ALDH1A2: variants seen among roughly 807,000 people sequenced by gnomAD.
The protein encoded by ALDH1A2 is retinal dehydrogenase 2.
A neutral mutation model predicts 60.3 loss-of-function variants in ALDH1A2; 27 were observed. The observed-to-expected ratio is 0.45, with a 90% CI of 0.33 to 0.62. The LOEUF is 0.62. Ranked by LOEUF, ALDH1A2 falls within the 20% of genes least tolerant of loss-of-function variation. The probability of loss-of-function intolerance (pLI) is 0.02; values close to 1 mark genes in which losing one functional copy is unlikely to be tolerated. For missense variants in ALDH1A2, 581 were observed against 643.8 expected (o/e 0.90, Z 1.06); for synonymous variants, 289 against 232.4 (o/e 1.24, Z -2.21).
Position 58,016,075 on chromosome 15 carries a change from T to G in ALDH1A2, c.118-1794A>C, listed in dbSNP as rs541155026. Among the ~76,000 whole-genome samples, 45 of 152,196 alleles carry G rather than the reference T, an allele frequency of 3.0e-4. 1 individual carries two copies. The highest frequency in any genetic ancestry group is 2.6e-3 in the Admixed American group (39 of 15,288). On this transcript the variant is annotated intron_variant, in intron 1 of 12. Coordinates refer to ENST00000249750, the MANE Select transcript of ALDH1A2 (RefSeq NM_003888.4). ...CTTACCCATGTCCCTATCCTTTTAT[T>G]CACCATGTGACTGAATCAAACTTTT...
At chr15:57,976,087 A>AGACTACTGGCAGTAGTTGGTCTTTGCAC (rs1894246075) in intron 7 of ALDH1A2, among the ~76,000 whole-genome samples, 1 of 152,222 alleles carries the variant, frequency 6.6e-6, no homozygotes, top group Non-Finnish European at 1.5e-5. Flanking sequence ...TGTCCTTTGC[A>AGACTACTGGCAGTAGTTGGTCTTTGCAC]GACTACTGGC....
intron 1 of ALDH1A2, among the ~76,000 whole-genome samples, chr15:58,028,101 G>A (rs1186128042): frequency 1.3e-5 from 2 of 152,154 alleles, no homozygotes; most frequent in African/African-American, 2.4e-5. Flanking sequence ...TAAATCGCCA[G>A]ATTCACCAAG....
chr15:57,996,530 G>A (rs1378574573), intron 4 of ALDH1A2, among the ~76,000 whole-genome samples: 1 of 147,294 alleles, frequency 6.8e-6, no homozygotes, highest in African/African-American at 2.5e-5. Context: ...TGTAAAGCTA[G>A]GACGTCTTTT....
intron 1 of ALDH1A2, among the ~76,000 whole-genome samples, chr15:58,017,079 T>G (rs1172828091): frequency 6.6e-6 from 1 of 152,162 alleles, no homozygotes; most frequent in Non-Finnish European, 1.5e-5. Flanking sequence ...AGCAAAATCT[T>G]GGGCTATGAG....
chr15:57,977,546 C>T (rs1465769139), intron 7 of ALDH1A2, among the ~76,000 whole-genome samples: 2 of 152,080 alleles, frequency 1.3e-5, no homozygotes, highest in African/African-American at 2.4e-5. Flanking sequence ...ATTTCTGAGG[C>T]CTCTGTTCTG....
At chr15:57,976,052 G>T (rs1380184345) in intron 7 of ALDH1A2, among the ~76,000 whole-genome samples, 3 of 152,166 alleles carry the variant, frequency 2.0e-5, no homozygotes, top group African/African-American at 7.2e-5. Flanking sequence ...CTTCATTACA[G>T]AAATTATGCC....
chr15:57,974,793 C>T (rs1001915251), intron 7 of ALDH1A2, among the ~76,000 whole-genome samples: 1 of 152,164 alleles, frequency 6.6e-6, no homozygotes. Context: ...AAATTAAAAA[C>T]TTTAAGAGAC....
At chr15:58,023,368 A>T (rs1895985568) in intron 1 of ALDH1A2, among the ~76,000 whole-genome samples, 1 of 152,238 alleles carries the variant, frequency 6.6e-6, no homozygotes, top group African/African-American at 2.4e-5. Context: ...AATTATTAGT[A>T]TAATCAAGAA....
chr15:58,013,628 C>T (rs1459191729), intron 3 of ALDH1A2, among the ~76,000 whole-genome samples: 1 of 151,888 alleles, frequency 6.6e-6, no homozygotes, highest in East Asian at 1.9e-4. Context: ...GGCACGTGCA[C>T]GTAATCCCAG....
intron 7 of ALDH1A2, among the ~76,000 whole-genome samples, chr15:57,971,486 T>C (rs1317743511): frequency 1.3e-5 from 2 of 152,188 alleles, no homozygotes; most frequent in Admixed American, 6.5e-5. Context: ...ACTGTAGTAG[T>C]ATGATTATGG....
intron 1 of ALDH1A2, among the ~76,000 whole-genome samples, chr15:58,046,420 T>A (rs1896641836): frequency 6.6e-6 from 1 of 152,072 alleles, no homozygotes; most frequent in South Asian, 2.1e-4. Flanking sequence ...TATCTATGTA[T>A]GTAAAACAAA....
At chr15:57,996,067 C>G (rs1261265336) in intron 4 of ALDH1A2, among the ~76,000 whole-genome samples, 2 of 152,068 alleles carry the variant, frequency 1.3e-5, no homozygotes, top group Non-Finnish European at 2.9e-5. Context: ...CTCTCAAAAG[C>G]AGTCCCCTAA....
chr15:57,972,505 G>A (rs1234207791), intron 7 of ALDH1A2, among the ~76,000 whole-genome samples: 1 of 152,150 alleles, frequency 6.6e-6, no homozygotes, highest in Non-Finnish European at 1.5e-5. Flanking sequence ...CCATTAACTA[G>A]GTGAGCTAAA....
chr15:58,006,880 T>C (rs1347975839), intron 4 of ALDH1A2, among the ~76,000 whole-genome samples: 1 of 149,512 alleles, frequency 6.7e-6, no homozygotes, highest in Non-Finnish European at 1.5e-5. Context: ...AAAAAAAGTG[T>C]CCTTTTTTGT....
At chr15:57,964,880 C>T (rs1596067640) in intron 8 of ALDH1A2, 1 of 152,148 alleles carries the variant, frequency 6.6e-6, no homozygotes, top group Non-Finnish European at 1.5e-5. Context: ...ATTTTCTTGA[C>T]AACTAATATA....
intron 1 of ALDH1A2, among the ~76,000 whole-genome samples, chr15:58,052,676 A>G (rs1459780467): frequency 6.6e-6 from 1 of 152,174 alleles, no homozygotes; most frequent in Non-Finnish European, 1.5e-5. Context: ...TAATTCAATA[A>G]GTATTTATTC....
At chr15:58,048,169 C>A (rs545583436) in intron 1 of ALDH1A2, among the ~76,000 whole-genome samples, 6 of 151,022 alleles carry the variant, frequency 4.0e-5, no homozygotes, top group Non-Finnish European at 7.4e-5. Context: ...AGTACAAGGT[C>A]AAAAAAAATG....
chr15:57,979,766 C>G, intron 7 of ALDH1A2: 1 of 261,050 alleles, frequency 3.8e-6, no homozygotes, highest in Non-Finnish European at 7.9e-6. Context: ...GGGACCTCTC[C>G]TGGGCCCAGG....
intron 8 of ALDH1A2, chr15:57,964,508 G>A (rs1323286039): frequency 5.5e-6 from 1 of 181,180 alleles, no homozygotes; most frequent in Non-Finnish European, 1.2e-5. Context: ...ATTTTAATGT[G>A]CAGTTCTTGT....
Sources: gnomAD v4.1 joint callset for allele counts (sites outside exome capture counted in the v4.1 genomes callset) on GRCh38, gnomAD v4.1.1 for gene constraint, MANE v1.5 for transcripts, NCBI Gene and HGNC (gene_info 2026-07-23, HGNC 2026-07-21) for gene names.